INTS6: variants seen among roughly 807,000 people sequenced by gnomAD.
INTS6 encodes the protein integrator complex subunit 6, also known as DEAD box protein.
In INTS6, 16 loss-of-function variants were observed where a neutral mutation model predicts 104.9. The observed-to-expected ratio is 0.15, with a 90% CI of 0.10 to 0.23. The LOEUF is 0.23. Among genes scored for constraint, INTS6 ranks in the 10% least tolerant of loss-of-function variants. The probability of loss-of-function intolerance (pLI) is 1.00; values close to 1 mark genes in which losing one functional copy is unlikely to be tolerated. For missense variants in INTS6, 584 were observed against 1,062.8 expected (o/e 0.55, Z 6.26); for synonymous variants, 324 against 358.7 (o/e 0.90, Z 1.09).
intron 3 of INTS6, chr13:51,444,878 A>G (rs1442453545): frequency 1.3e-5 from 2 of 151,434 alleles, no homozygotes; most frequent in Admixed American, 1.3e-4. Flanking sequence ...AATTCTGAAG[A>G]AATATTTTGC....
At chr13:51,394,265 C>T (rs989845590) in intron 5 of INTS6, among the ~76,000 whole-genome samples, 1 of 152,002 alleles carries the variant, frequency 6.6e-6, no homozygotes, top group Non-Finnish European at 1.5e-5. Context: ...GAAGGCATTA[C>T]GAAAGTTCAC....
chr13:51,346,060 G>C, the INTS6 span, among the ~76,000 whole-genome samples: 708 of 152,318 alleles, frequency 4.6e-3, 7 homozygotes, highest in African/African-American at 0.016. Flanking sequence ...TCCCTCACCT[G>C]TGAAATAGGG....
chr13:51,341,892 G>T, the INTS6 span, among the ~76,000 whole-genome samples: 1 of 152,166 alleles, frequency 6.6e-6, no homozygotes, highest in Admixed American at 6.5e-5. Context: ...AGGCTGCCTG[G>T]TTTAAGAGCC....
At position 51,452,377 on chromosome 13, in the gene INTS6, C is replaced by T. The variant is rs1214378537; in HGVS notation, c.111+38G>A. On this transcript the variant is annotated intron_variant, in intron 1 of 17. Coordinates refer to ENST00000311234, the MANE Select transcript of INTS6 (RefSeq NM_012141.3). This position sits in a 1 kb window ranked among gnomAD's most constrained non-coding sequence, Gnocchi z 4.2. ...CCCCACCCTGCCGCCCGCGGGCCGC[C>T]GGGCCGGGGTCGCCGCCCGGGCTCG... is the stretch of plus-strand genomic sequence containing the variant. 4.6e-6 allele frequency: 7 copies of T among 1,506,914 alleles called. No homozygotes were observed. Among genetic ancestry groups the T allele is most frequent in the South Asian group, 1.2e-5 (1 of 82,424 alleles). 93.3% of individuals were successfully genotyped at this position (1,506,914 alleles called of 1,614,324 possible). A position where few individuals can be genotyped will look rare whatever the true frequency, so the allele number is the denominator to read the frequency against.
At chr13:51,355,346 A>G (rs141588991) in intron 3 of INTS6, among the ~76,000 whole-genome samples, 4 of 152,278 alleles carry the variant, frequency 2.6e-5, no homozygotes, top group Non-Finnish European at 5.9e-5. Flanking sequence ...TTCAGGCCTT[A>G]ATCATGGTTT....
downstream of INTS6, chr13:51,361,218 C>T: frequency 9.2e-7 from 1 of 1,085,640 alleles, no homozygotes; most frequent in Non-Finnish European, 1.4e-6. Context: ...AGAATGTGTT[C>T]TAAATGTGTT....
intron 4 of INTS6, among the ~76,000 whole-genome samples, chr13:51,428,063 CA>C (rs1468498542): frequency 1.3e-5 from 2 of 152,072 alleles, no homozygotes; most frequent in African/African-American, 4.8e-5. Flanking sequence ...CATATGGAAA[CA>C]AAATACATTG....
rs569603316 is a variant in INTS6, at chr13:51,408,986, T to G, written c.430-13503A>C. On this transcript the variant is annotated intron_variant, in intron 4 of 17. Transcript: ENST00000311234. ...ATCTAGGCAGCTGCATATCCCTTTC[T>G]TCTTCCATATCATAGCTCCATAGCA... Among the ~76,000 whole-genome samples, 41 of 152,316 alleles carry G rather than the reference T, an allele frequency of 2.7e-4. No homozygotes were observed. In the South Asian group the frequency reaches 8.5e-3, roughly 32 times the overall value.
chr13:51,341,197 C>A, the INTS6 span: 1 of 1,614,066 alleles, frequency 6.2e-7, no homozygotes, highest in South Asian at 1.1e-5. Flanking sequence ...GTTTGCACTT[C>A]ACCTCTACCA....
At chr13:51,359,754 C>T (rs1955534146), downstream of INTS6, among the ~76,000 whole-genome samples, 2 of 152,048 alleles carry the variant, frequency 1.3e-5, no homozygotes, top group African/African-American at 4.8e-5. Flanking sequence ...TAGTAAAAGC[C>T]TCTCATGACT....
At chr13:51,448,706 T>TA (rs1364004582) in intron 3 of INTS6, 4 of 152,148 alleles carry the variant, frequency 2.6e-5, no homozygotes, top group Non-Finnish European at 4.4e-5. Context: ...TTTAAGAAAG[T>TA]AATTCAGAAC....
chr13:51,407,757 C>G (rs187682890), intron 4 of INTS6, among the ~76,000 whole-genome samples: 30 of 152,144 alleles, frequency 2.0e-4, no homozygotes, highest in Admixed American at 1.8e-3. Flanking sequence ...TACGGTATGG[C>G]CAGGCATAGT....
At chr13:51,334,629 G>A in the INTS6 span, among the ~76,000 whole-genome samples, 3 of 152,092 alleles carry the variant, frequency 2.0e-5, no homozygotes, top group East Asian at 5.8e-4. Flanking sequence ...AAACGTTTTT[G>A]AAAGCTAAAT....
chr13:51,398,599 G>A (rs1956381550), intron 4 of INTS6, among the ~76,000 whole-genome samples: 1 of 151,954 alleles, frequency 6.6e-6, no homozygotes, highest in Non-Finnish European at 1.5e-5. Flanking sequence ...AATACTTCTG[G>A]TGAGCCTATA....
intron 4 of INTS6, among the ~76,000 whole-genome samples, chr13:51,418,479 G>A (rs569266265): frequency 1.3e-5 from 2 of 151,946 alleles, no homozygotes; most frequent in East Asian, 1.9e-4. Context: ...ATTAAGGAAA[G>A]GAAAATTAAG....
At chr13:51,376,768 T>C (rs1342944179) in intron 12 of INTS6, among the ~76,000 whole-genome samples, 1 of 152,200 alleles carries the variant, frequency 6.6e-6, no homozygotes. Flanking sequence ...TGAGATTCAT[T>C]GACATTATTC....
the INTS6 span, chr13:51,339,316 G>A: frequency 1.3e-5 from 2 of 152,218 alleles, no homozygotes; most frequent in Non-Finnish European, 2.9e-5. Flanking sequence ...CACAGGAGGA[G>A]GGGGGAAGCA....
the INTS6 span, chr13:51,347,047 T>C: frequency 6.3e-7 from 1 of 1,589,244 alleles, no homozygotes; most frequent in Non-Finnish European, 8.6e-7. Flanking sequence ...GTGAGGGCCC[T>C]GGTGGCTGGC....
Position 51,374,399 on chromosome 13 carries a change from G to A in INTS6, c.1913C>T (p.Pro638Leu), listed in dbSNP as rs2137885067. 4.6e-6 allele frequency: 7 copies of A among 1,535,530 alleles called. No homozygotes were observed. Among genetic ancestry groups the A allele is most frequent in the Middle Eastern group, 1.7e-4 (1 of 5,796 alleles). The change falls in exon 15 of 18, where the codon CCT becomes CTT. Residue 638 changes from proline (P) to leucine (L), a missense_variant. Physicochemically the swap from Pro to Leu is moderately conservative, Grantham distance 98. This residue lies in a region of INTS6 where 296 missense variants were observed against 437.0 expected (regional missense o/e 0.68). Transcript: ENST00000311234. ...IDEADEFVAG[P>L]QNKHKRPGEP... is the part of the protein sequence containing the mutation. ...TCCGGGTCGTTTATGTTTATTTTGA[G>A]GTCCAGCCACAAATTCATCTGCTTC...
Sources: allele counts gnomAD v4.1 joint callset (sites outside exome capture counted in the v4.1 genomes callset), GRCh38; gene constraint gnomAD v4.1.1; regional missense constraint gnomAD v4.1.1; non-coding constraint Gnocchi (gnomAD v3.1); transcripts MANE v1.5; gene names NCBI Gene and HGNC (gene_info 2026-07-23, HGNC 2026-07-21).